PTPRK: variants seen among roughly 807,000 people sequenced by gnomAD.
PTPRK encodes the protein protein tyrosine phosphatase receptor type K, also known as receptor-type tyrosine-protein phosphatase kappa.
PTPRK carries 75 observed loss-of-function variants against 178.0 expected under a neutral mutation model. The ratio of observed to expected loss-of-function variants is 0.42; its 90% CI spans 0.35 to 0.51. PTPRK has a LOEUF of 0.51. PTPRK is among the 20% of genes least tolerant of loss of function. The pLI is 0.02. For missense variants in PTPRK, 1,441 were observed against 1,797.8 expected (o/e 0.80, Z 3.59); for synonymous variants, 637 against 620.6 (o/e 1.03, Z -0.39).
At chr6:128,130,576 T>C (rs572431540) in intron 7 of PTPRK, among the ~76,000 whole-genome samples, 1 of 152,208 alleles carries the variant, frequency 6.6e-6, no homozygotes, top group Non-Finnish European at 1.5e-5. Flanking sequence ...ATAGTCATTA[T>C]CGAGTGAAAG....
chr6:128,416,575 G>A (rs1372669808), intron 1 of PTPRK, among the ~76,000 whole-genome samples: 26 of 151,148 alleles, frequency 1.7e-4, no homozygotes, highest in Admixed American at 1.6e-3. Flanking sequence ...GTGAACCCGG[G>A]AGTCAGAGCT....
intron 3 of PTPRK, among the ~76,000 whole-genome samples, chr6:128,319,932 T>G (rs1305893130): frequency 6.6e-6 from 1 of 152,134 alleles, no homozygotes; most frequent in African/African-American, 2.4e-5. Context: ...TACTCTGTTG[T>G]TTGCTCTCAT....
intron 15 of PTPRK, among the ~76,000 whole-genome samples, chr6:128,001,642 A>C (rs1366444009): frequency 1.3e-5 from 2 of 151,896 alleles, no homozygotes; most frequent in East Asian, 3.9e-4. Flanking sequence ...ACATCATCTA[A>C]TTTTCTCTTT....
At chr6:128,115,785 T>A (rs1302883260) in intron 7 of PTPRK, among the ~76,000 whole-genome samples, 1 of 152,146 alleles carries the variant, frequency 6.6e-6, no homozygotes, top group Admixed American at 6.5e-5. Flanking sequence ...GGTATTACAG[T>A]GAACAAGTCT....
chr6:128,082,656 T>G lies in PTPRK; in HGVS notation c.1576-18A>C. Reference sequence around the variant, plus strand: ...TAGCTGATCTGTTTTAAGAAATACATTTATTACATATCTAGTATCCATCAT... The same window carrying G: ...TAGCTGATCTGTTTTAAGAAATACAGTTATTACATATCTAGTATCCATCAT... On this transcript the variant is annotated intron_variant, in intron 9 of 29. Coordinates refer to ENST00000368226, the MANE Select transcript of PTPRK (RefSeq NM_002844.4). The G allele has an allele frequency of 6.5e-7, 1 of 1,540,972 alleles. No homozygotes were observed. Among genetic ancestry groups the G allele is most frequent in the Non-Finnish European group, 8.9e-7 (1 of 1,122,562 alleles).
At position 128,067,534 on chromosome 6, in the gene PTPRK, C is replaced by T. The variant is rs1161739247; in HGVS notation, c.2142G>A (p.Met714Ile). The change falls in exon 12 of 30, where the codon ATG (methionine) becomes ATA (isoleucine). Residue 714 changes from methionine to isoleucine, a missense_variant. Coordinates refer to ENST00000368226, the MANE Select transcript of PTPRK (RefSeq NM_002844.4). ...RKGYNIYFQAMSSVEKETKTQ... is the reference protein window; with the variant it reads ...RKGYNIYFQAISSVEKETKTQ... The stretch of plus-strand genomic sequence containing the variant: ...GGAAGCTCACCTTCTCCACACTGCT[C>T]ATCGCCTGGAAATAGATGTTGTATC... The T allele has an allele frequency of 1.3e-6, 2 of 1,560,826 alleles. No homozygotes were observed. Among genetic ancestry groups the T allele is most frequent in the Non-Finnish European group, 8.7e-7 (1 of 1,146,304 alleles).
intron 3 of PTPRK, among the ~76,000 whole-genome samples, chr6:128,266,960 A>G (rs1819051203): frequency 6.6e-6 from 1 of 152,154 alleles, no homozygotes; most frequent in African/African-American, 2.4e-5. Flanking sequence ...TATTCTAGAA[A>G]TCATCAACTG....
At chr6:128,057,090 A>T (rs1218697993) in intron 13 of PTPRK, among the ~76,000 whole-genome samples, 1 of 152,210 alleles carries the variant, frequency 6.6e-6, no homozygotes, top group Non-Finnish European at 1.5e-5. Context: ...ATCTAAAGGA[A>T]GTCCTTAAAT....
chr6:128,473,869 T>C (rs1242868299), intron 1 of PTPRK, among the ~76,000 whole-genome samples: 1 of 152,040 alleles, frequency 6.6e-6, no homozygotes, highest in Non-Finnish European at 1.5e-5. Flanking sequence ...TGAGCATCCA[T>C]TTCTATAATA....
At chr6:128,239,125 G>GTTTTTT (rs71833785) in intron 5 of PTPRK, among the ~76,000 whole-genome samples, 5 of 98,766 alleles carry the variant, frequency 5.1e-5, no homozygotes, top group African/African-American at 9.6e-5. Flanking sequence ...AACTCATCTT[G>GTTTTTT]TTTTTTTTTT....
intron 13 of PTPRK, among the ~76,000 whole-genome samples, chr6:128,036,111 G>A (rs1776161881): frequency 6.6e-6 from 1 of 152,010 alleles, no homozygotes; most frequent in Non-Finnish European, 1.5e-5. Context: ...GTTATATTTG[G>A]GGTCTGAATA....
chr6:127,973,310 G>A (rs527770302), intron 28 of PTPRK, among the ~76,000 whole-genome samples, 153 bp from the exon 29 acceptor site: 59 of 152,292 alleles, frequency 3.9e-4, no homozygotes, highest in Admixed American at 6.5e-4. Context: ...AGGCAGAGAG[G>A]AGAAAACTTG....
intron 3 of PTPRK, among the ~76,000 whole-genome samples, chr6:128,252,747 A>C (rs1158737735): frequency 2.6e-5 from 4 of 152,144 alleles, no homozygotes; most frequent in African/African-American, 9.7e-5. Flanking sequence ...TGAGCCACAG[A>C]CCTCAACTCA....
intron 1 of PTPRK, among the ~76,000 whole-genome samples, chr6:128,459,614 C>T (rs1383063340): frequency 6.6e-6 from 1 of 152,188 alleles, no homozygotes; most frequent in Non-Finnish European, 1.5e-5. Context: ...TAGTCTGTTG[C>T]TATCATTCTT....
intron 7 of PTPRK, among the ~76,000 whole-genome samples, chr6:128,111,557 T>C (rs1011181970): frequency 2.0e-5 from 3 of 152,178 alleles, no homozygotes; most frequent in Non-Finnish European, 4.4e-5. Flanking sequence ...GAAACAAATA[T>C]CATTTTTATC....
intron 6 of PTPRK, among the ~76,000 whole-genome samples, chr6:128,203,722 G>A (rs1806392476): frequency 2.0e-5 from 3 of 152,158 alleles, no homozygotes; most frequent in Non-Finnish European, 4.4e-5. Context: ...AACAAGGGAA[G>A]TGGAAGACCT....
rs777646839 is a variant in PTPRK at position 128,519,270 on chromosome 6, C to T, written c.100+989G>A. The T allele has an allele frequency of 8.1e-6, 3 of 371,674 alleles. No individual in the cohort carries two copies. Among genetic ancestry groups the T allele is most frequent in the African/African-American group, 4.3e-5 (2 of 46,926 alleles). 23.0% of individuals were successfully genotyped at this position (371,674 alleles called of 1,614,324 possible). On this transcript the variant is annotated intron_variant, in intron 1 of 29. Transcript: ENST00000368226. This position sits in a 1 kb window ranked among gnomAD's most constrained non-coding sequence, Gnocchi z 4.3. ...AGGAGAGAACGAAAGAAGCAACCAACCTACACGAAGGATAACAAAACTGGA... is the reference window on the plus strand; with the variant it reads ...AGGAGAGAACGAAAGAAGCAACCAATCTACACGAAGGATAACAAAACTGGA...
intron 6 of PTPRK, among the ~76,000 whole-genome samples, chr6:128,190,749 T>C (rs1803654292): frequency 6.6e-6 from 1 of 152,144 alleles, no homozygotes; most frequent in African/African-American, 2.4e-5. Flanking sequence ...TCTGCCCACC[T>C]CAGCCTCCCA....
At chr6:128,000,443 G>T (rs1189348539) in intron 15 of PTPRK, 3 of 627,832 alleles carry the variant, frequency 4.8e-6, no homozygotes, top group Non-Finnish European at 6.4e-6. Context: ...TCTTTTTGTA[G>T]CATTCATTCC....
Sources: gnomAD v4.1 joint callset for allele counts (sites outside exome capture counted in the v4.1 genomes callset) on GRCh38, gnomAD v4.1.1 for gene constraint, Gnocchi (gnomAD v3.1) non-coding constraint, MANE v1.5 for transcripts, NCBI Gene and HGNC (gene_info 2026-07-23, HGNC 2026-07-21) for gene names.